Variants in PCDH15 observed in about 807,000 individuals in gnomAD.
PCDH15 encodes protocadherin related 15.
Under a neutral mutation model 178.5 loss-of-function variants are expected in PCDH15, and 129 were observed. That is an observed-to-expected ratio of 0.72 (90% CI 0.63 to 0.84). PCDH15 has a LOEUF of 0.84. Ranked by LOEUF, PCDH15 falls within the 40% of genes least tolerant of loss-of-function variation. The pLI, the probability that PCDH15 is intolerant of heterozygous loss-of-function variation, is 0.00. For synonymous variants in PCDH15, 800 were observed against 732.0 expected (o/e 1.09, Z -1.50); for missense variants, 2,230 against 2,099.9 (o/e 1.06, Z -1.21).
chr10:55,395,194 TGTGAGAGAGAGA>T (rs1206535689), intron 2 of PCDH15, among the ~76,000 whole-genome samples: 11 of 91,100 alleles, frequency 1.2e-4, no homozygotes, highest in South Asian at 3.7e-4. Context: ...TGTGTGTGTG[TGTGAGAGAGAGA>T]GAGAGAGAGA....
chr10:55,285,612 TA>T (rs1485958952), intron 1 of PCDH15, among the ~76,000 whole-genome samples: 2 of 151,908 alleles, frequency 1.3e-5, no homozygotes, highest in African/African-American at 2.4e-5. Context: ...CTACTTAACA[TA>T]TTTTTTTCTT....
intron 2 of PCDH15, among the ~76,000 whole-genome samples, chr10:54,554,653 G>C (rs2086973311): frequency 6.6e-6 from 1 of 152,004 alleles, no homozygotes; most frequent in Non-Finnish European, 1.5e-5. Context: ...GAAACTTTAG[G>C]AACAGGACCT....
intron 2 of PCDH15, among the ~76,000 whole-genome samples, chr10:55,377,236 A>G (rs1267602129): frequency 6.6e-6 from 1 of 151,752 alleles, no homozygotes; most frequent in Non-Finnish European, 1.5e-5. Context: ...ATTTTAAGTT[A>G]CAACAAAAAG....
chr10:54,754,682 C>G (rs1321276468), intron 1 of PCDH15, among the ~76,000 whole-genome samples: 1 of 151,772 alleles, frequency 6.6e-6, no homozygotes, highest in Non-Finnish European at 1.5e-5. Context: ...ACCTTAGATT[C>G]CAATTCAAAG....
intron 2 of PCDH15, among the ~76,000 whole-genome samples, chr10:54,913,183 G>A (rs1161409658): frequency 6.6e-6 from 1 of 152,134 alleles, no homozygotes; most frequent in Non-Finnish European, 1.5e-5. Context: ...AAGACAATGG[G>A]GAAAATGCCT....
rs541399982 is a variant in PCDH15, at chr10:54,056,361, T to A, written c.2220+10396A>T. ...GGCATACCTGAGACTGGATAATTTA[T>A]AAAAGAAAGAGGTTTAATTGACTCA... On this transcript the variant is annotated intron_variant, in intron 18 of 37. Transcript: ENST00000644397. Among the ~76,000 whole-genome samples the A allele has an allele frequency of 7.2e-5, 11 of 152,286 alleles. No individual in the cohort carries two copies. The East Asian group carries it at 2.1e-3, about 29-fold the overall frequency.
In PCDH15 at chr10:54,999,743, G is replaced by A. The variant is rs563897385; in HGVS notation, c.-79-102243C>T. 3.9e-5 allele frequency among the ~76,000 whole-genome samples: 6 copies of A among 152,292 alleles called. No individual in the cohort carries two copies. In the South Asian group the frequency reaches 6.2e-4, roughly 16 times the overall value. On this transcript the variant is annotated intron_variant, in intron 2 of 5. Coordinates refer to the PCDH15 transcript ENST00000458638. ...CAGATATCGGGCGAAATTCACCCCC[G>A]ATATTTCACGTAGGTTCTTTTCTAT...
chr10:54,442,780 G>C (rs2075909584), intron 3 of PCDH15, among the ~76,000 whole-genome samples: 2 of 151,486 alleles, frequency 1.3e-5, no homozygotes, highest in African/African-American at 4.8e-5. Flanking sequence ...AACTGTAACT[G>C]TAGTGGGTAG....
chr10:54,082,269 G>A (rs2094446538), intron 16 of PCDH15, among the ~76,000 whole-genome samples: 2 of 152,298 alleles, frequency 1.3e-5, no homozygotes, highest in African/African-American at 4.8e-5. Context: ...GCATTCCTCA[G>A]AAATATTGTA....
rs142374814 is a variant in PCDH15, at chr10:54,396,303, T to C, written c.158-17361A>G. 7.9e-5 allele frequency among the ~76,000 whole-genome samples: 12 copies of C among 152,268 alleles called. No individual in the cohort carries two copies. The East Asian group carries it at 2.1e-3, about 27-fold the overall frequency. On this transcript the variant is annotated intron_variant, in intron 3 of 37. Transcript: ENST00000644397. ...TGTCGCTTCCCTAAAACTTTACTGT[T>C]CTTTGTTGAACAATGCGTTATATAA...
At chr10:54,485,107 C>T (rs1362493412) in intron 3 of PCDH15, among the ~76,000 whole-genome samples, 1 of 151,756 alleles carries the variant, frequency 6.6e-6, no homozygotes, top group African/African-American at 2.4e-5. Context: ...TATGAGAACA[C>T]TTATTTTCTT....
intron 2 of PCDH15, among the ~76,000 whole-genome samples, chr10:55,512,601 A>G (rs1589097684): frequency 6.6e-6 from 1 of 152,236 alleles, no homozygotes; most frequent in African/African-American, 2.4e-5. Context: ...CAGATACCAC[A>G]GAGAGCCTTT....
chr10:54,722,125 T>C (rs1251096150), intron 1 of PCDH15, among the ~76,000 whole-genome samples: 2 of 151,760 alleles, frequency 1.3e-5, no homozygotes, highest in African/African-American at 2.4e-5. Context: ...AACATATGAT[T>C]ATCTCAAGAG....
chr10:54,881,570 T>G (rs907836906), intron 3 of PCDH15, among the ~76,000 whole-genome samples: 8 of 152,106 alleles, frequency 5.3e-5, no homozygotes, highest in African/African-American at 1.9e-4. Flanking sequence ...CTCCTAAATT[T>G]GGATTCCTGA....
chr10:55,177,656 C>A (rs537060031), intron 1 of PCDH15, among the ~76,000 whole-genome samples: 10 of 152,188 alleles, frequency 6.6e-5, no homozygotes, highest in Non-Finnish European at 1.3e-4. Context: ...AGCTAACATA[C>A]AACCATCTCC....
chr10:54,028,347 A>AACT (rs2093180816), intron 18 of PCDH15, among the ~76,000 whole-genome samples: 1 of 143,306 alleles, frequency 7.0e-6, no homozygotes, highest in Non-Finnish European at 1.6e-5. Context: ...GTGGGACTGT[A>AACT]AACTAGTTCA....
At chr10:54,396,460 C>T (rs1951237528) in intron 3 of PCDH15, among the ~76,000 whole-genome samples, 1 of 152,094 alleles carries the variant, frequency 6.6e-6, no homozygotes, top group African/African-American at 2.4e-5. Flanking sequence ...TGGGTCCATT[C>T]CAACTAATAC....
chr10:54,196,345 T>C (rs1260022061), intron 10 of PCDH15, among the ~76,000 whole-genome samples: 3 of 152,032 alleles, frequency 2.0e-5, no homozygotes, highest in Non-Finnish European at 4.4e-5. Context: ...GGTTTCACCG[T>C]GTTAGCCAGG....
chr10:54,784,088 T>A lies in PCDH15; in HGVS notation c.-29+16837A>T, dbSNP rs527494310. On this transcript the variant is annotated intron_variant, in intron 1 of 37. Transcript: ENST00000644397. Reference sequence around the variant, plus strand: ...AGGTCCTATGGGAACTCACTCACTATCATGAGAACAGCATGCAAGAAATTG... The same window carrying A: ...AGGTCCTATGGGAACTCACTCACTAACATGAGAACAGCATGCAAGAAATTG... Among the ~76,000 whole-genome samples the A allele has an allele frequency of 9.9e-5, 15 of 152,130 alleles. No homozygotes were observed. The South Asian group carries it at 2.1e-3, about 21-fold the overall frequency.
Sources: allele counts gnomAD v4.1 joint callset (sites outside exome capture counted in the v4.1 genomes callset), GRCh38; gene constraint gnomAD v4.1.1; transcripts MANE v1.5; gene names NCBI Gene and HGNC (gene_info 2026-07-23, HGNC 2026-07-21).